The following THSD7B variants were observed in gnomAD, a reference collection of about 807,000 sequenced individuals.
THSD7B encodes thrombospondin type-1 domain-containing protein 7B.
In THSD7B, 138 loss-of-function variants were observed where a neutral mutation model predicts 213.6. The ratio of observed to expected loss-of-function variants is 0.65; its 90% CI spans 0.56 to 0.74. The LOEUF is 0.74. THSD7B is among the 30% of genes least tolerant of loss of function. The pLI, the probability that THSD7B is intolerant of heterozygous loss-of-function variation, is 0.00. For synonymous variants in THSD7B, 742 were observed against 687.0 expected, an observed-to-expected ratio of 1.08 and a Z score of -1.25; for missense variants, 1,931 against 1,991.5, an observed-to-expected ratio of 0.97 and a Z score of 0.58.
intron 5 of THSD7B, among the ~76,000 whole-genome samples, chr2:137,119,880 G>T (rs1688517130): frequency 1.3e-5 from 2 of 152,150 alleles, no homozygotes; most frequent in South Asian, 4.1e-4. Flanking sequence ...ATTCTTAGCT[G>T]ATATCTTAAG....
intron 1 of THSD7B, among the ~76,000 whole-genome samples, chr2:136,813,629 G>A (rs896632132): frequency 2.7e-5 from 4 of 145,632 alleles, no homozygotes; most frequent in South Asian, 2.2e-4. Context: ...TTCAGTTCAC[G>A]TGCTATTCTA....
At chr2:137,093,814 G>T (rs1413692383) in intron 3 of THSD7B, among the ~76,000 whole-genome samples, 1 of 151,914 alleles carries the variant, frequency 6.6e-6, no homozygotes, top group Non-Finnish European at 1.5e-5. Context: ...ACAACGTGCA[G>T]GTTTGTTACA....
intron 2 of THSD7B, among the ~76,000 whole-genome samples, chr2:137,036,930 T>C (rs1483199354): frequency 6.6e-6 from 1 of 152,204 alleles, no homozygotes; most frequent in East Asian, 1.9e-4. Flanking sequence ...GAAACCTTGC[T>C]CACATCACCC....
At chr2:136,925,011 T>G (rs1253988080) in intron 2 of THSD7B, among the ~76,000 whole-genome samples, 1 of 152,228 alleles carries the variant, frequency 6.6e-6, no homozygotes, top group Non-Finnish European at 1.5e-5. Context: ...TTTTGCATGT[T>G]GATTTTGTAT....
intron 7 of THSD7B, among the ~76,000 whole-genome samples, chr2:137,217,444 T>A (rs1241788084): frequency 6.6e-6 from 1 of 152,200 alleles, no homozygotes; most frequent in Admixed American, 6.5e-5. Context: ...ATTCCTGTGA[T>A]GTATTGACAG....
chr2:136,980,744 C>A (rs1685562452), intron 2 of THSD7B, among the ~76,000 whole-genome samples: 1 of 152,206 alleles, frequency 6.6e-6, no homozygotes, highest in Non-Finnish European at 1.5e-5. Context: ...GGAACCAAGG[C>A]CCTGGTGGTG....
intron 3 of THSD7B, among the ~76,000 whole-genome samples, chr2:137,077,338 C>A (rs1200608574): frequency 6.6e-6 from 1 of 152,142 alleles, no homozygotes. Context: ...TGGATATATA[C>A]CCAGTAATGG....
chr2:137,114,281 G>A (rs930233049), intron 4 of THSD7B, among the ~76,000 whole-genome samples: 1 of 152,190 alleles, frequency 6.6e-6, no homozygotes, highest in Non-Finnish European at 1.5e-5. Context: ...AATGCCGCAA[G>A]GTTATACTAC....
intron 27 of THSD7B, among the ~76,000 whole-genome samples, chr2:137,669,150 T>A (rs981588012): frequency 2.0e-5 from 3 of 152,226 alleles, no homozygotes; most frequent in Non-Finnish European, 4.4e-5. Flanking sequence ...ATATTCATCA[T>A]CTGTCCCAGA....
At chr2:137,092,275 T>C (rs1461709905) in intron 3 of THSD7B, among the ~76,000 whole-genome samples, 1 of 151,952 alleles carries the variant, frequency 6.6e-6, no homozygotes, top group Admixed American at 6.6e-5. Context: ...TAGACAGTTG[T>C]GGTGTTGTGC....
intron 15 of THSD7B, among the ~76,000 whole-genome samples, chr2:137,536,272 A>G (rs1333339223): frequency 1.3e-5 from 2 of 151,332 alleles, no homozygotes; most frequent in Non-Finnish European, 3.0e-5. Flanking sequence ...TAGGACACAT[A>G]TATAAAAAGC....
At chr2:137,395,959 T>C (rs1017716781) in intron 12 of THSD7B, among the ~76,000 whole-genome samples, 1 of 152,144 alleles carries the variant, frequency 6.6e-6, no homozygotes, top group Non-Finnish European at 1.5e-5. Context: ...ATAGAGGTGT[T>C]TGTAGTGTTC....
At position 137,676,917 on chromosome 2, in the gene THSD7B, A is replaced by AACTT. The variant is rs1683715422; in HGVS notation, c.*313_*316dup. On this transcript the variant is annotated 3_prime_UTR_variant, in exon 28 of 28. Transcript: ENST00000409968. ...GATGGAATTCCCACAGACTTGAGTA[A>AACTT]ACTTGATCTTCAGCAGCATAATGAC... 8.5e-6 allele frequency: 2 copies of AACTT among 236,298 alleles called. No individual in the cohort carries two copies. Among genetic ancestry groups the AACTT allele is most frequent in the Non-Finnish European group, 1.6e-5 (2 of 123,844 alleles). The allele number at this position is 236,298 out of a possible 1,614,324, so 14.6% of individuals were successfully genotyped here.
intron 1 of THSD7B, among the ~76,000 whole-genome samples, chr2:136,779,234 GTGTGTGTA>G (rs1681679460): frequency 6.9e-6 from 1 of 143,936 alleles, no homozygotes; most frequent in East Asian, 2.2e-4. Flanking sequence ...GTGTGTGTGT[GTGTGTGTA>G]TTCTTTTTTA....
At chr2:137,432,411 A>G (rs934060127) in intron 14 of THSD7B, among the ~76,000 whole-genome samples, 1 of 152,156 alleles carries the variant, frequency 6.6e-6, no homozygotes, top group African/African-American at 2.4e-5. Flanking sequence ...AAATAAAAAT[A>G]AAAAATAAAA....
At position 136,886,835 on chromosome 2, in the gene THSD7B, A is replaced by C. The variant is rs139258962; in HGVS notation, c.139+4518A>C. Among the ~76,000 whole-genome samples the C allele has an allele frequency of 1.8e-4, 27 of 152,268 alleles. No homozygotes were observed. In the East Asian group the frequency reaches 5.0e-3, roughly 28 times the overall value. The stretch of plus-strand genomic sequence containing the variant: ...TTAAGCACTCAGAATTGGGCATGCT[A>C]CACTTTTGATTCTGTTAGAAATTCT... On this transcript the variant is annotated intron_variant, in intron 2 of 27. Transcript: ENST00000409968.
At chr2:136,937,804 C>A (rs2105056233) in intron 2 of THSD7B, among the ~76,000 whole-genome samples, 1 of 152,250 alleles carries the variant, frequency 6.6e-6, no homozygotes, top group African/African-American at 2.4e-5. Context: ...AAAGCTACAT[C>A]TTCCTTTGCA....
At position 136,970,470 on chromosome 2, in the gene THSD7B, C is replaced by A. The variant is rs962166145; in HGVS notation, c.140-85950C>A. Among the ~76,000 whole-genome samples the A allele has an allele frequency of 3.4e-5, 5 of 147,378 alleles. No homozygotes were observed. In the East Asian group the frequency reaches 6.1e-4, roughly 18 times the overall value. ...ACAGAGTGAGTCTGTCTCAAAAAAA[C>A]AAACAAACAAATAAATAAATAAATG... On this transcript the variant is annotated intron_variant, in intron 2 of 27. Transcript: ENST00000409968.
chr2:136,795,456 T>C (rs1682043953), intron 1 of THSD7B, among the ~76,000 whole-genome samples: 1 of 151,998 alleles, frequency 6.6e-6, no homozygotes, highest in Admixed American at 6.6e-5. Flanking sequence ...TTAAGATCCT[T>C]AGCTTAATCA....
Sources: allele counts gnomAD v4.1 joint callset (sites outside exome capture counted in the v4.1 genomes callset), GRCh38; gene constraint gnomAD v4.1.1; transcripts MANE v1.5; gene names NCBI Gene and HGNC (gene_info 2026-07-23, HGNC 2026-07-21).